DENND2B: variants seen among roughly 807,000 people sequenced by gnomAD.
DENND2B encodes the protein DENN domain-containing protein 2B.
DENND2B carries 32 observed loss-of-function variants against 116.0 expected under a neutral mutation model. The ratio of observed to expected loss-of-function variants is 0.28; its 90% CI spans 0.21 to 0.37. The LOEUF (loss-of-function observed/expected upper bound fraction) is 0.37, where lower values mean the gene tolerates loss of function less well. Among genes scored for constraint, DENND2B ranks in the 10% least tolerant of loss-of-function variants. The probability of loss-of-function intolerance (pLI) is 1.00; values close to 1 mark genes in which losing one functional copy is unlikely to be tolerated. For synonymous variants in DENND2B, 588 were observed against 583.9 expected (o/e 1.01, Z -0.10); for missense variants, 1,276 against 1,477.7 (o/e 0.86, Z 2.24).
intron 1 of DENND2B, among the ~76,000 whole-genome samples, chr11:8,796,786 A>G (rs771263823): frequency 6.6e-6 from 1 of 152,288 alleles, no homozygotes; most frequent in Middle Eastern, 3.4e-3. Flanking sequence ...ACATCTAACT[A>G]CTTATGGAGC....
chr11:8,716,402 T>TCTA (rs370908251), intron 5 of DENND2B, among the ~76,000 whole-genome samples: 4 of 152,304 alleles, frequency 2.6e-5, no homozygotes, highest in African/African-American at 9.6e-5. Flanking sequence ...CCAGCCCTGA[T>TCTA]CTACTCTCTG....
At chr11:8,847,696 T>C (rs968846399) in intron 3 of DENND2B, among the ~76,000 whole-genome samples, 3 of 152,178 alleles carry the variant, frequency 2.0e-5, no homozygotes, top group Admixed American at 6.5e-5. Context: ...TGAAACAGAC[T>C]ACGCAAGTGC....
At chr11:8,851,774 T>C (rs1256712910) in intron 3 of DENND2B, among the ~76,000 whole-genome samples, 2 of 152,202 alleles carry the variant, frequency 1.3e-5, no homozygotes, top group Non-Finnish European at 2.9e-5. Flanking sequence ...ATCAAATATT[T>C]AGTATTTTGT....
intron 17 of DENND2B, among the ~76,000 whole-genome samples, chr11:8,697,261 A>C (rs550525126): frequency 6.6e-6 from 1 of 152,264 alleles, no homozygotes; most frequent in Non-Finnish European, 1.5e-5. Context: ...AGTGCCTTTC[A>C]TCTCCTGCAA....
At chr11:8,882,272 G>T (rs1222126474) in intron 1 of DENND2B, among the ~76,000 whole-genome samples, 1 of 152,090 alleles carries the variant, frequency 6.6e-6, no homozygotes, top group Non-Finnish European at 1.5e-5. Flanking sequence ...ATTATGAAAG[G>T]TAACATCTCT....
upstream of DENND2B, chr11:8,811,559 C>A: frequency 2.7e-6 from 1 of 377,350 alleles, no homozygotes; most frequent in Non-Finnish European, 4.7e-6. Context: ...GGCAGACCCC[C>A]TAAGTTTAGT....
intron 4 of DENND2B, among the ~76,000 whole-genome samples, chr11:8,819,886 A>G (rs531033188): frequency 9.8e-5 from 15 of 152,376 alleles, no homozygotes; most frequent in African/African-American, 3.6e-4. Flanking sequence ...GTCTATATCA[A>G]TATCAATTTT....
chr11:8,699,778 T>A (rs1285962393), intron 14 of DENND2B: 1 of 446,310 alleles, frequency 2.2e-6, no homozygotes, highest in Non-Finnish European at 4.5e-6. Flanking sequence ...CCACCCCACA[T>A]CAGAACTAGG....
intron 3 of DENND2B, among the ~76,000 whole-genome samples, chr11:8,848,641 C>T (rs903926514): frequency 6.6e-6 from 1 of 151,862 alleles, no homozygotes; most frequent in Non-Finnish European, 1.5e-5. Flanking sequence ...AACATAATGT[C>T]CAGGAATGGA....
chr11:8,820,965 T>C (rs1480574670), intron 4 of DENND2B, among the ~76,000 whole-genome samples: 1 of 151,218 alleles, frequency 6.6e-6, no homozygotes, highest in Non-Finnish European at 1.5e-5. Context: ...ATACCAAAAA[T>C]ACAAAAATTA....
In DENND2B at chr11:8,730,906, G is replaced by A. The variant is rs762118451; in HGVS notation, c.384C>T (p.Val128=). The change falls in exon 3 of 20, where the codon GTC becomes GTT. Residue 128 remains valine (V), a synonymous_variant. Transcript: ENST00000313726. The surrounding 1 kb of genome is among the most constrained non-coding windows in gnomAD (Gnocchi z 4.1). ...VQGAAQDVAG[V]AACLPLAQST... ...TCTGGGCAAGGGGGAGGCAGGCAGC[G>A]ACCCCTGCTACATCCTGGGCTGCGC... 7 of 1,613,994 alleles carry A rather than the reference G, an allele frequency of 4.3e-6. No homozygotes were observed. Among genetic ancestry groups the A allele is most frequent in the African/African-American group, 2.7e-5 (2 of 74,946 alleles).
At chr11:8,694,527 A>G (rs1359884732) in intron 19 of DENND2B, 1 of 461,694 alleles carries the variant, frequency 2.2e-6, no homozygotes, top group Admixed American at 2.3e-5. Flanking sequence ...TCACTCAGGA[A>G]GGAGTGCAAA....
chr11:8,837,956 G>A (rs185744434), intron 4 of DENND2B, among the ~76,000 whole-genome samples: 34 of 152,274 alleles, frequency 2.2e-4, no homozygotes, highest in Admixed American at 3.9e-4. Context: ...AACTGAACCC[G>A]CAGAAGGCTA....
At chr11:8,732,635 GA>G (rs34774168) in intron 2 of DENND2B, among the ~76,000 whole-genome samples, 41,351 of 152,160 alleles carry the variant, frequency 0.27, 6,241 homozygotes, top group Middle Eastern at 0.43. Flanking sequence ...GAATGATGAA[GA>G]GCAAAAGGAA....
chr11:8,752,659 T>A (rs1335093048), intron 1 of DENND2B, among the ~76,000 whole-genome samples: 1 of 152,170 alleles, frequency 6.6e-6, no homozygotes, highest in African/African-American at 2.4e-5. Flanking sequence ...TATTTAAATA[T>A]TTAAAAGTAA....
At chr11:8,852,473 A>G (rs1408692351) in intron 3 of DENND2B, among the ~76,000 whole-genome samples, 2 of 152,224 alleles carry the variant, frequency 1.3e-5, no homozygotes, top group Non-Finnish European at 2.9e-5. Context: ...CTTTACAAAA[A>G]TAGTAAATAA....
rs1350320380 is a variant in DENND2B, at chr11:8,718,369, G to A, written c.1478-477C>T. On this transcript the variant is annotated intron_variant, in intron 4 of 19. Coordinates refer to ENST00000313726, the MANE Select transcript of DENND2B (RefSeq NM_213618.2). ...TCCCTGGGGACCTACTTTGGAGGGTGGGCATGGAGGAACTCACAGAACCGT... is the reference window on the plus strand; with the variant it reads ...TCCCTGGGGACCTACTTTGGAGGGTAGGCATGGAGGAACTCACAGAACCGT... 68 of 1,535,372 alleles carry A rather than the reference G, an allele frequency of 4.4e-5. No homozygotes were observed. The Middle Eastern group carries it at 6.7e-4, about 15-fold the overall frequency.
intron 3 of DENND2B, among the ~76,000 whole-genome samples, chr11:8,855,159 AAAGAAAAG>A: frequency 1.0e-5 from 1 of 95,816 alleles, no homozygotes; most frequent in South Asian, 3.3e-4. Context: ...GAAGAAAAAG[AAAGAAAAG>A]AAAAAAGAAA....
chr11:8,717,232 C>T (rs2045040496), intron 5 of DENND2B, among the ~76,000 whole-genome samples: 1 of 152,212 alleles, frequency 6.6e-6, no homozygotes, highest in South Asian at 2.1e-4. Flanking sequence ...CTTACTCTCT[C>T]CCACAGGACT....
Sources: gnomAD v4.1 joint callset for allele counts (sites outside exome capture counted in the v4.1 genomes callset) on GRCh38, gnomAD v4.1.1 for gene constraint, Gnocchi (gnomAD v3.1) non-coding constraint, MANE v1.5 for transcripts, NCBI Gene and HGNC (gene_info 2026-07-23, HGNC 2026-07-21) for gene names.